Variants in EVL observed in about 807,000 individuals in gnomAD.
The protein encoded by EVL is Enah/Vasp-like.
A neutral mutation model predicts 59.6 loss-of-function variants in EVL; 21 were observed. That is an observed-to-expected ratio of 0.35 (90% CI 0.25 to 0.51). EVL has a LOEUF of 0.51. Among genes scored for constraint, EVL ranks in the 20% least tolerant of loss-of-function variants. EVL has a pLI of 0.97. For synonymous variants in EVL, 198 were observed against 203.5 expected (o/e 0.97, Z 0.23); for missense variants, 462 against 546.6 (o/e 0.85, Z 1.54).
chr14:100,137,556 C>T (rs779823189), intron 9 of EVL, 22 bp from the exon 10 acceptor site: 1 of 1,613,180 alleles, frequency 6.2e-7, no homozygotes, highest in Non-Finnish European at 8.5e-7. Flanking sequence ...TGAGGTTCTT[C>T]ATCCATGAAA....
Position 100,097,756 on chromosome 14 carries a change from CT to C in EVL, c.358+99del, listed in dbSNP as rs369703749. The C allele has an allele frequency of 3.2e-4, 366 of 1,129,664 alleles. No individual in the cohort carries two copies. The African/African-American group carries it at 4.1e-3, about 13-fold the overall frequency. 70.0% of individuals were successfully genotyped at this position (1,129,664 alleles called of 1,614,324 possible). A position where few individuals can be genotyped will look rare whatever the true frequency, so the allele number is the denominator to read the frequency against. On this transcript the variant is annotated intron_variant, in intron 3 of 13. Transcript: ENST00000392920. ...CTCTCCGGGTATCCTAGCACTGTCA[CT>C]GCATTGAGCTGAGGTTGCATGTGTT...
At chr14:100,129,857 G>T (rs540559625) in intron 7 of EVL, among the ~76,000 whole-genome samples, 173 bp downstream of exon 7, 1 of 152,222 alleles carries the variant, frequency 6.6e-6, no homozygotes, top group Non-Finnish European at 1.5e-5. Context: ...AGTCTGAAGC[G>T]CAAGCCCACA....
rs550242076 is a variant in EVL, at chr14:100,126,824, C to T, written c.487+53C>T. On this transcript the variant is annotated intron_variant, in intron 5 of 13. Coordinates refer to ENST00000392920, the MANE Select transcript of EVL (RefSeq NM_016337.3). The stretch of plus-strand genomic sequence containing the variant: ...CTCCCATGCTGCTGCCAGGTGGCAG[C>T]CCCTCCACGTAGATGAGGCCCAGGG... 3.2e-5 allele frequency: 51 copies of T among 1,580,336 alleles called. No individual in the cohort carries two copies. The East Asian group carries it at 1.1e-3, about 35-fold the overall frequency.
chr14:100,129,693 C>G lies in EVL; in HGVS notation c.839+9C>G, dbSNP rs1888308783. On this transcript the variant is annotated intron_variant, in intron 7 of 13. Transcript: ENST00000392920. ...AAACTGCTGGCCAAGAGGTGGGTCT[C>G]TACACCTCCCGAGACTTGGTGTGCC... 6.4e-7 allele frequency: 1 copy of G among 1,553,784 alleles called. No homozygotes were observed. Among genetic ancestry groups the G allele is most frequent in the East Asian group, 2.4e-5 (1 of 41,906 alleles).
chr14:100,068,885 G>T (rs1180673861), intron 1 of EVL, among the ~76,000 whole-genome samples: 1 of 152,154 alleles, frequency 6.6e-6, no homozygotes, highest in Non-Finnish European at 1.5e-5. Flanking sequence ...AGCAGGAAAC[G>T]TGATATGGAT....
chr14:99,987,451 G>A (rs1180218949), intron 1 of EVL, among the ~76,000 whole-genome samples: 1 of 152,174 alleles, frequency 6.6e-6, no homozygotes, highest in Non-Finnish European at 1.5e-5. Context: ...AGACCAGCCT[G>A]GCCAACATGG....
rs563492461 is a variant in EVL, at chr14:100,106,773, G to A, written c.358+9115G>A. 12 of 398,382 alleles carry A rather than the reference G, an allele frequency of 3.0e-5. No individual in the cohort carries two copies. In the South Asian group the frequency reaches 1.4e-3, roughly 48 times the overall value. The allele number at this position is 398,382 out of a possible 1,614,324, so 24.7% of individuals were successfully genotyped here. A position where few individuals can be genotyped will look rare whatever the true frequency, so the allele number is the denominator to read the frequency against. On this transcript the variant is annotated intron_variant, in intron 3 of 13. Transcript: ENST00000392920. ...CTGCATTGCATCTGTGTCTTGCCTG[G>A]TTGTCGCTTAACAGTGCCATGGAGA... is the stretch of plus-strand genomic sequence containing the variant.
intron 2 of EVL, among the ~76,000 whole-genome samples, chr14:100,096,085 C>A (rs1028259398): frequency 6.6e-6 from 1 of 152,120 alleles, no homozygotes; most frequent in African/African-American, 2.4e-5. Flanking sequence ...TCTTTCCCTG[C>A]CTGTGCCTGT....
At chr14:100,071,105 G>A (rs1227377826) in intron 1 of EVL, among the ~76,000 whole-genome samples, 1 of 152,096 alleles carries the variant, frequency 6.6e-6, no homozygotes, top group Non-Finnish European at 1.5e-5. Flanking sequence ...CATCTGAGAG[G>A]GTGACATCCA....
chr14:100,118,891 G>A (rs1280751015), intron 3 of EVL, among the ~76,000 whole-genome samples: 1 of 152,238 alleles, frequency 6.6e-6, no homozygotes, highest in Admixed American at 6.5e-5. Context: ...CTGGAAAGTG[G>A]GCCTCCAAGA....
chr14:100,008,969 A>T (rs551777900), intron 1 of EVL, among the ~76,000 whole-genome samples: 8 of 152,244 alleles, frequency 5.3e-5, no homozygotes, highest in Non-Finnish European at 1.0e-4. Flanking sequence ...GAAATAGAGA[A>T]GTCCTGATTA....
At chr14:100,105,329 AC>A (rs895612525) in intron 3 of EVL, among the ~76,000 whole-genome samples, 31 of 152,094 alleles carry the variant, frequency 2.0e-4, no homozygotes, top group African/African-American at 6.7e-4. Flanking sequence ...AATCTCAGCA[AC>A]CCTCTAAGAA....
chr14:99,973,743 A>G (rs1054316207), intron 1 of EVL, among the ~76,000 whole-genome samples: 1 of 152,232 alleles, frequency 6.6e-6, no homozygotes, highest in African/African-American at 2.4e-5. Flanking sequence ...GATTACAGGC[A>G]TGAGCCACCG....
chr14:100,085,951 C>T (rs1366479797), intron 2 of EVL, among the ~76,000 whole-genome samples: 1 of 152,070 alleles, frequency 6.6e-6, no homozygotes, highest in Non-Finnish European at 1.5e-5. Flanking sequence ...CACGGCGAAA[C>T]CCCATCTCTA....
chr14:100,084,591 A>T (rs1446161220), intron 1 of EVL, 96 bp from the exon 2 acceptor site: 6 of 1,328,664 alleles, frequency 4.5e-6, no homozygotes, highest in South Asian at 1.4e-5. Context: ...AAGTTTCTTT[A>T]TGTCAAGTAG....
At chr14:99,985,773 G>GA (rs11339070) in intron 1 of EVL, among the ~76,000 whole-genome samples, 676 of 138,544 alleles carry the variant, frequency 4.9e-3, no homozygotes, top group Non-Finnish European at 7.5e-3. Context: ...ATCTCAGAAA[G>GA]AAAAAAAAAA....
intron 7 of EVL, among the ~76,000 whole-genome samples, chr14:100,131,513 G>A (rs949308138): frequency 6.6e-6 from 1 of 152,238 alleles, no homozygotes; most frequent in Non-Finnish European, 1.5e-5. Context: ...AACAGTGGAG[G>A]GCAGGAGGGA....
intron 3 of EVL, among the ~76,000 whole-genome samples, chr14:100,098,339 G>A (rs7160351): frequency 0.1 from 15,920 of 152,190 alleles, 1,579 homozygotes; most frequent in African/African-American, 0.25. Context: ...CATCGCAGGC[G>A]GGAAAAGCAG....
chr14:100,139,803 C>T (rs1312749208), intron 11 of EVL: 5 of 152,220 alleles, frequency 3.3e-5, no homozygotes, highest in Admixed American at 6.5e-5. Flanking sequence ...AGGCCACATA[C>T]GTTTCCCTGA....
Sources: gnomAD v4.1 joint callset for allele counts (sites outside exome capture counted in the v4.1 genomes callset) on GRCh38, gnomAD v4.1.1 for gene constraint, MANE v1.5 for transcripts, NCBI Gene and HGNC (gene_info 2026-07-23, HGNC 2026-07-21) for gene names.